DSCAML1: variants seen among roughly 807,000 people sequenced by gnomAD.
The protein encoded by DSCAML1 is DS cell adhesion molecule like 1.
DSCAML1 carries 38 observed loss-of-function variants against 200.5 expected under a neutral mutation model. The observed-to-expected ratio is 0.19, with a 90% CI of 0.15 to 0.25. The LOEUF is 0.25. DSCAML1 is among the 10% of genes least tolerant of loss of function. The pLI is 1.00. For missense variants in DSCAML1, 2,223 were observed against 2,858.8 expected (o/e 0.78, Z 5.07); for synonymous variants, 1,215 against 1,165.0 (o/e 1.04, Z -0.87).
Position 117,437,403 on chromosome 11 carries a change from G to A in DSCAML1, c.4439C>T (p.Ser1480Phe), listed in dbSNP as rs750725669. The change falls in exon 26 of 33, where the codon TCC (serine) becomes TTC (phenylalanine). Residue 1480 changes from serine to phenylalanine, a missense_variant. Physicochemically the swap from Ser to Phe is radical, Grantham distance 155 (BLOSUM62 -2). Transcript: ENST00000651296. The surrounding 1 kb of genome is among the most constrained non-coding windows in gnomAD (Gnocchi z 5.3). ...GAAGAGGTGTTGGTCTTTGCTGAAG[G>A]AGGGCTCTGGCAGGCCGGAGGGAGA... ...IEAKTHGREP[S>F]FSKDQHLFTH... 9 of 1,611,172 alleles carry A rather than the reference G, an allele frequency of 5.6e-6. No individual in the cohort carries two copies.
intron 14 of DSCAML1, among the ~76,000 whole-genome samples, chr11:117,473,358 GT>G (rs992635360): frequency 3.9e-4 from 60 of 152,182 alleles, no homozygotes; most frequent in African/African-American, 1.4e-3. Flanking sequence ...TTAGCCGGGC[GT>G]GGTGGTGGGT....
intron 26 of DSCAML1, 144 bp from the exon 27 acceptor site, chr11:117,435,943 C>T: frequency 1.3e-6 from 1 of 790,584 alleles, no homozygotes; most frequent in Non-Finnish European, 1.9e-6. Flanking sequence ...CCTGGACTTC[C>T]CCTCTGCTCC....
intron 3 of DSCAML1, among the ~76,000 whole-genome samples, chr11:117,551,579 T>TG (rs1468056437): frequency 6.6e-6 from 1 of 152,138 alleles, no homozygotes; most frequent in Non-Finnish European, 1.5e-5. Flanking sequence ...AGAACTGGAT[T>TG]GGGGGCATGC....
At position 117,782,291 on chromosome 11, in the gene DSCAML1, C is replaced by T. The variant is rs534280717; in HGVS notation, c.47-1481G>A. 3.3e-5 allele frequency among the ~76,000 whole-genome samples: 5 copies of T among 152,316 alleles called. No individual in the cohort carries two copies. In the South Asian group the frequency reaches 6.2e-4, roughly 19 times the overall value. ...CCTCATTGGTCAGAGCAATTCACAT[C>T]GTCTCATAAAAGCCGTGATGGAGCC... is the stretch of plus-strand genomic sequence containing the variant. On this transcript the variant is annotated intron_variant, in intron 1 of 32. Coordinates refer to ENST00000651296, the MANE Select transcript of DSCAML1 (RefSeq NM_020693.4).
At chr11:117,560,804 C>G (rs2050647977) in intron 3 of DSCAML1, among the ~76,000 whole-genome samples, 1 of 152,210 alleles carries the variant, frequency 6.6e-6, no homozygotes, top group Non-Finnish European at 1.5e-5. Flanking sequence ...CCCCTTCTCC[C>G]CCACTGCCCA....
intron 3 of DSCAML1, among the ~76,000 whole-genome samples, chr11:117,663,987 T>G (rs1320846339): frequency 2.0e-5 from 3 of 152,230 alleles, no homozygotes; most frequent in African/African-American, 7.2e-5. Context: ...AAGGCTGTAT[T>G]GCTCAGCGCC....
intron 3 of DSCAML1, among the ~76,000 whole-genome samples, chr11:117,576,303 G>A (rs146711960): frequency 1.9e-3 from 286 of 152,234 alleles, no homozygotes; most frequent in African/African-American, 6.3e-3. Flanking sequence ...CCAGCGAGGA[G>A]GAAGAGCAAC....
At chr11:117,608,147 G>A (rs1384427480) in intron 3 of DSCAML1, among the ~76,000 whole-genome samples, 2 of 152,188 alleles carry the variant, frequency 1.3e-5, no homozygotes, top group East Asian at 1.9e-4. Flanking sequence ...AGCACCTAGC[G>A]GGTAAATCTA....
intron 3 of DSCAML1, among the ~76,000 whole-genome samples, chr11:117,745,331 A>C (rs565051202): frequency 2.8e-4 from 42 of 152,204 alleles, no homozygotes; most frequent in African/African-American, 9.4e-4. Flanking sequence ...TTAAGAAAAA[A>C]CAACACCTGA....
chr11:117,780,296 G>GA lies in DSCAML1; in HGVS notation c.364+196dup, dbSNP rs1377430258. ...AGAAAGAAAGAAAGAAAGAAAGAAA[G>GA]AAAGAAAGAGAGAAAGGAGAAAGAA... On this transcript the variant is annotated intron_variant, in intron 2 of 32. Transcript: ENST00000651296. The surrounding 1 kb of genome is among the most constrained non-coding windows in gnomAD (Gnocchi z 4.8). 8.6e-4 allele frequency among the ~76,000 whole-genome samples: 92 copies of GA among 106,972 alleles called. 1 individual carries two copies. The highest frequency in any genetic ancestry group is 1.3e-3 in the African/African-American group (41 of 32,556). 70.2% of individuals were successfully genotyped at this position (106,972 alleles called of 152,430 possible). A position where few individuals can be genotyped will look rare whatever the true frequency, so the allele number is the denominator to read the frequency against.
At chr11:117,786,844 C>A (rs564502529) in intron 1 of DSCAML1, among the ~76,000 whole-genome samples, 17 of 152,294 alleles carry the variant, frequency 1.1e-4, no homozygotes, top group East Asian at 9.6e-4. Flanking sequence ...CCCTGCCACA[C>A]CCCCTCAGAG....
intron 3 of DSCAML1, among the ~76,000 whole-genome samples, chr11:117,564,755 C>CTT (rs1565792140): frequency 4.0e-5 from 6 of 148,548 alleles, no homozygotes; most frequent in African/African-American, 1.5e-4. Flanking sequence ...TTCTCTCTCT[C>CTT]TCTTTCTTTC....
intron 19 of DSCAML1, among the ~76,000 whole-genome samples, chr11:117,456,425 A>G (rs2048369563): frequency 6.6e-6 from 1 of 152,226 alleles, no homozygotes; most frequent in African/African-American, 2.4e-5. Flanking sequence ...AGGATAAAGT[A>G]TACGGAGACA....
At chr11:117,585,240 G>T (rs1000085935) in intron 3 of DSCAML1, among the ~76,000 whole-genome samples, 1 of 151,966 alleles carries the variant, frequency 6.6e-6, no homozygotes, top group African/African-American at 2.4e-5. Context: ...GATTTGGGGG[G>T]TTTTCTGCTA....
chr11:117,619,008 C>A (rs1389525987), intron 3 of DSCAML1, among the ~76,000 whole-genome samples: 1 of 152,184 alleles, frequency 6.6e-6, no homozygotes, highest in Middle Eastern at 3.2e-3. Flanking sequence ...ACGCACCCAG[C>A]CCCAGCCCAG....
intron 3 of DSCAML1, among the ~76,000 whole-genome samples, chr11:117,574,926 C>T (rs1485187069): frequency 6.6e-6 from 1 of 152,174 alleles, no homozygotes; most frequent in Admixed American, 6.5e-5. Flanking sequence ...TGTGGTGGCT[C>T]ACACCTGTAA....
At chr11:117,572,514 A>G (rs2050863646) in intron 3 of DSCAML1, among the ~76,000 whole-genome samples, 1 of 152,166 alleles carries the variant, frequency 6.6e-6, no homozygotes, top group South Asian at 2.1e-4. Context: ...CTTCTGCCGT[A>G]GGGACTCCTT....
intron 3 of DSCAML1, among the ~76,000 whole-genome samples, chr11:117,713,398 G>A (rs2053887770): frequency 6.6e-6 from 1 of 152,170 alleles, no homozygotes. Context: ...TTACAGGCAT[G>A]AGCCACCACG....
chr11:117,509,793 T>A (rs1169725701), intron 8 of DSCAML1, among the ~76,000 whole-genome samples: 2 of 152,198 alleles, frequency 1.3e-5, no homozygotes, highest in Non-Finnish European at 2.9e-5. Flanking sequence ...GCCATTTCCA[T>A]TTCTGGGAAA....
Sources: allele counts gnomAD v4.1 joint callset (sites outside exome capture counted in the v4.1 genomes callset), GRCh38; gene constraint gnomAD v4.1.1; non-coding constraint Gnocchi (gnomAD v3.1); transcripts MANE v1.5; gene names NCBI Gene and HGNC (gene_info 2026-07-23, HGNC 2026-07-21).